The following PSD2 variants were observed in gnomAD, a reference collection of about 807,000 sequenced individuals.
PSD2 encodes the protein pleckstrin and Sec7 domain containing 2.
PSD2 carries 38 observed loss-of-function variants against 69.8 expected under a neutral mutation model. The ratio of observed to expected loss-of-function variants is 0.54; its 90% CI spans 0.42 to 0.71. The LOEUF is 0.71. Ranked by LOEUF, PSD2 falls within the 30% of genes least tolerant of loss-of-function variation. The pLI, the probability that PSD2 is intolerant of heterozygous loss-of-function variation, is 0.00. For missense variants in PSD2, 943 were observed against 1,014.5 expected, an observed-to-expected ratio of 0.93 and a Z score of 0.96; for synonymous variants, 412 against 423.0, an observed-to-expected ratio of 0.97 and a Z score of 0.32.
At chr5:139,755,579 G>A in the PSD2 span, among the ~76,000 whole-genome samples, 2 of 151,790 alleles carry the variant, frequency 1.3e-5, no homozygotes, top group Non-Finnish European at 2.9e-5. Context: ...TCTTTGATAT[G>A]TCTGTGTCTG....
At chr5:139,790,791 C>T in the PSD2 span, among the ~76,000 whole-genome samples, 263 of 152,058 alleles carry the variant, frequency 1.7e-3, 1 homozygote, top group African/African-American at 6.2e-3. Flanking sequence ...GCTTGTAATC[C>T]CAGCTCTTTG....
chr5:139,817,686 G>A, intron 5 of PSD2, 125 bp downstream of exon 5: 1 of 787,592 alleles, frequency 1.3e-6, no homozygotes, highest in South Asian at 1.7e-5. Flanking sequence ...TGGTGAGGCT[G>A]TGGGGAAGGG....
intron 7 of PSD2, among the ~76,000 whole-genome samples, chr5:139,826,044 G>A (rs1352128134): frequency 6.6e-6 from 1 of 152,192 alleles, no homozygotes; most frequent in African/African-American, 2.4e-5. Context: ...GGAGAAGGGA[G>A]TGAGTGGCCA....
chr5:139,820,216 G>C (rs1238491768), intron 5 of PSD2, among the ~76,000 whole-genome samples: 2 of 152,172 alleles, frequency 1.3e-5, no homozygotes, highest in African/African-American at 4.8e-5. Context: ...GAGTGTCCAG[G>C]GAAGGGGAGT....
rs900442923 is a variant in PSD2, at chr5:139,844,023, A to G, written c.*1549A>G. Reference sequence around the variant, plus strand: ...GAGAGATGTAGTGATTTAAATTCAGATTATTTAAGTTGGATCAGCTGAAGT... The same window carrying G: ...GAGAGATGTAGTGATTTAAATTCAGGTTATTTAAGTTGGATCAGCTGAAGT... On this transcript the variant is annotated 3_prime_UTR_variant, in exon 15 of 15. Coordinates refer to ENST00000274710, the MANE Select transcript of PSD2 (RefSeq NM_032289.4). 2 of 152,240 alleles carry G rather than the reference A, an allele frequency of 1.3e-5. No homozygotes were observed. The highest frequency in any genetic ancestry group is 2.9e-5 in the Non-Finnish European group (2 of 68,046). The allele number at this position is 152,240 out of a possible 1,614,324, so 9.4% of individuals were successfully genotyped here. A position where few individuals can be genotyped will look rare whatever the true frequency, so the allele number is the denominator to read the frequency against.
Position 139,822,754 on chromosome 5 carries a change from G to A in PSD2, c.1239G>A (p.Leu413=). 6.2e-7 allele frequency: 1 copy of A among 1,611,020 alleles called. No homozygotes were observed. The highest frequency in any genetic ancestry group is 1.1e-5 in the South Asian group (1 of 90,444). The change falls in exon 7 of 15, where the codon CTG becomes CTA. Residue 413 remains leucine (L), a synonymous_variant. Coordinates refer to ENST00000274710, the MANE Select transcript of PSD2 (RefSeq NM_032289.4). The part of the protein sequence containing the change: ...EDGIHTLTCA[L]MLLNTDLHGH... Reference sequence around the variant, plus strand: ...GGATCCACACGCTCACCTGTGCCCTGATGCTGCTCAACACGGACCTGCACG... The same window carrying A: ...GGATCCACACGCTCACCTGTGCCCTAATGCTGCTCAACACGGACCTGCACG...
At chr5:139,800,681 C>A (rs925529055) in intron 1 of PSD2, among the ~76,000 whole-genome samples, 1 of 152,200 alleles carries the variant, frequency 6.6e-6, no homozygotes, top group African/African-American at 2.4e-5. Flanking sequence ...CTCCCAGTGC[C>A]ACACTCACTG....
chr5:139,821,832 G>C, intron 5 of PSD2, 61 bp from the exon 6 acceptor site: 1 of 912,158 alleles, frequency 1.1e-6, no homozygotes, highest in East Asian at 2.6e-5. Context: ...TGTGTGTGGG[G>C]GGTGGTCTTA....
chr5:139,778,218 A>C, the PSD2 span, among the ~76,000 whole-genome samples: 2 of 152,250 alleles, frequency 1.3e-5, no homozygotes, highest in Non-Finnish European at 2.9e-5. Context: ...CAGTGCACAC[A>C]AGATGTACAA....
chr5:139,781,324 T>C, the PSD2 span, among the ~76,000 whole-genome samples: 2 of 151,916 alleles, frequency 1.3e-5, no homozygotes, highest in Non-Finnish European at 2.9e-5. Flanking sequence ...ACAGCATTCA[T>C]CACATATCTC....
chr5:139,835,971 T>C lies in PSD2; in HGVS notation c.1403+205T>C, dbSNP rs569450934. Among the ~76,000 whole-genome samples, 5 of 152,348 alleles carry C rather than the reference T, an allele frequency of 3.3e-5. No homozygotes were observed. In the South Asian group the frequency reaches 6.2e-4, roughly 19 times the overall value. ...TGTATTGAGAAAAAGAGTGCAATGT[T>C]TGCATTGTTACAGAATAGATTGAAC... On this transcript the variant is annotated intron_variant, in intron 9 of 14. Coordinates refer to ENST00000274710, the MANE Select transcript of PSD2 (RefSeq NM_032289.4).
chr5:139,805,070 G>T (rs527415664), intron 1 of PSD2, among the ~76,000 whole-genome samples: 3 of 152,230 alleles, frequency 2.0e-5, no homozygotes, highest in East Asian at 1.9e-4. Context: ...GCACGTGCGC[G>T]TGTGTCTGGG....
intron 1 of PSD2, among the ~76,000 whole-genome samples, chr5:139,799,233 A>G (rs771694873): frequency 2.0e-5 from 3 of 152,210 alleles, no homozygotes; most frequent in Non-Finnish European, 4.4e-5. Context: ...CCCTACCTCC[A>G]GAAGCTTCAT....
rs779500696 is a variant in PSD2 at position 139,838,580 on chromosome 5, G to A, written c.1824-48G>A. Reference sequence around the variant, plus strand: ...GGTACGGGATGCTGAGTAGGGGACAGGGAGTCCTGTGTGAGAGGCCGGCAC... The same window carrying A: ...GGTACGGGATGCTGAGTAGGGGACAAGGAGTCCTGTGTGAGAGGCCGGCAC... On this transcript the variant is annotated intron_variant, in intron 12 of 14. Coordinates refer to ENST00000274710, the MANE Select transcript of PSD2 (RefSeq NM_032289.4). 3 of 1,593,390 alleles carry A rather than the reference G, an allele frequency of 1.9e-6. No individual in the cohort carries two copies. In the African/African-American group the frequency reaches 4.0e-5, roughly 21 times the overall value.
the PSD2 span, among the ~76,000 whole-genome samples, chr5:139,764,672 C>A: frequency 6.6e-6 from 1 of 152,174 alleles, no homozygotes; most frequent in South Asian, 2.1e-4. Context: ...CAGCAGCCAG[C>A]AAGCTGGGCC....
At chr5:139,809,295 C>T (rs1182673664) in intron 1 of PSD2, 96 bp from the exon 2 acceptor site, 1 of 962,162 alleles carries the variant, frequency 1.0e-6, no homozygotes, top group East Asian at 2.6e-5. Flanking sequence ...CTCCCACTCT[C>T]AGGCAGGCTG....
At chr5:139,794,965 C>T (rs1358456555), upstream of PSD2, among the ~76,000 whole-genome samples, 1 of 152,118 alleles carries the variant, frequency 6.6e-6, no homozygotes, top group Non-Finnish European at 1.5e-5. Flanking sequence ...CCTTGACTTG[C>T]CCTTGGGGAG....
intron 7 of PSD2, among the ~76,000 whole-genome samples, chr5:139,829,657 G>T (rs1760520937): frequency 6.6e-6 from 1 of 152,212 alleles, no homozygotes; most frequent in Non-Finnish European, 1.5e-5. Context: ...GTTGTCGCAT[G>T]TATTAGTAGT....
the PSD2 span, among the ~76,000 whole-genome samples, chr5:139,777,070 GC>G: frequency 6.6e-6 from 1 of 152,146 alleles, no homozygotes; most frequent in Non-Finnish European, 1.5e-5. Context: ...CTGCACACAG[GC>G]CCCAGATGGC....
Sources: gnomAD v4.1 joint callset for allele counts (sites outside exome capture counted in the v4.1 genomes callset) on GRCh38, gnomAD v4.1.1 for gene constraint, MANE v1.5 for transcripts, NCBI Gene and HGNC (gene_info 2026-07-23, HGNC 2026-07-21) for gene names.